Variants in MTUS1 observed in about 807,000 individuals in gnomAD.
The protein encoded by MTUS1 is microtubule associated scaffold protein 1.
In MTUS1, 109 loss-of-function variants were observed where a neutral mutation model predicts 120.8. The observed-to-expected ratio is 0.90, with a 90% CI of 0.77 to 1.06. The LOEUF is 1.06. Among genes scored for constraint, MTUS1 ranks in the 50% least tolerant of loss-of-function variants. MTUS1 has a pLI of 0.00. For missense variants in MTUS1, 2,210 were observed against 1,486.3 expected (o/e 1.49, Z -8.01); for synonymous variants, 737 against 550.5 (o/e 1.34, Z -4.74).
At chr8:17,769,078 C>G (rs1440981416) in intron 1 of MTUS1, among the ~76,000 whole-genome samples, 2 of 151,892 alleles carry the variant, frequency 1.3e-5, no homozygotes, top group African/African-American at 4.8e-5. Flanking sequence ...AGGAGCAAGC[C>G]CCTAGCTGGT....
rs569364336 is a variant in MTUS1 at position 17,746,964 on chromosome 8, C to G, written c.2092-3165G>C. Among the ~76,000 whole-genome samples, 33 of 152,326 alleles carry G rather than the reference C, an allele frequency of 2.2e-4. 1 individual carries two copies. The highest frequency in any genetic ancestry group is 7.9e-4 in the African/African-American group (33 of 41,576). ...CCAACTTCAACAATGAAAGCTGTTT[C>G]TCTTTTCCATCTGCTGTCATTTCTC... On this transcript the variant is annotated intron_variant, in intron 2 of 14. Transcript: ENST00000693296.
intron 1 of MTUS1, among the ~76,000 whole-genome samples, chr8:17,761,170 A>C (rs1352127221): frequency 2.6e-5 from 4 of 152,180 alleles, no homozygotes; most frequent in African/African-American, 9.7e-5. Flanking sequence ...ATATGTGCTG[A>C]AAGAAATGGT....
intron 6 of MTUS1, among the ~76,000 whole-genome samples, chr8:17,694,411 A>G (rs1817552601): frequency 6.6e-6 from 1 of 152,176 alleles, no homozygotes; most frequent in East Asian, 1.9e-4. Flanking sequence ...CATGTCTGTA[A>G]TCCCAGCACT....
At chr8:17,698,182 G>A (rs946884559) in intron 6 of MTUS1, among the ~76,000 whole-genome samples, 1 of 152,180 alleles carries the variant, frequency 6.6e-6, no homozygotes, top group African/African-American at 2.4e-5. Context: ...AGTTCCAGAA[G>A]AATAGTCCAT....
chr8:17,730,915 A>C (rs1205369734), intron 3 of MTUS1, among the ~76,000 whole-genome samples: 1 of 152,202 alleles, frequency 6.6e-6, no homozygotes. Context: ...AAAAAATGTG[A>C]ATGTACTTAA....
intron 6 of MTUS1, 53 bp from the exon 7 acceptor site, chr8:17,684,595 T>C (rs1028030429): frequency 2.8e-6 from 4 of 1,423,048 alleles, no homozygotes; most frequent in Non-Finnish European, 3.0e-6. Context: ...ATTTTTAAAA[T>C]CACCACCACA....
intron 1 of MTUS1, among the ~76,000 whole-genome samples, chr8:17,783,463 G>A (rs1280688822): frequency 6.6e-6 from 1 of 152,158 alleles, no homozygotes; most frequent in Non-Finnish European, 1.5e-5. Context: ...TGTAGGAAGA[G>A]GGAGCATACC....
intron 8 of MTUS1, among the ~76,000 whole-genome samples, chr8:17,667,294 G>C (rs909410284): frequency 6.6e-6 from 1 of 152,104 alleles, no homozygotes; most frequent in Non-Finnish European, 1.5e-5. Context: ...TGTACAGTTG[G>C]TTTTCAGTAT....
intron 6 of MTUS1, among the ~76,000 whole-genome samples, chr8:17,702,945 C>T (rs2410504): frequency 0.43 from 65,408 of 152,074 alleles, 15,804 homozygotes; most frequent in Middle Eastern, 0.59. Context: ...TAATTTCTTA[C>T]GCCTGTCCTA....
intron 2 of MTUS1, among the ~76,000 whole-genome samples, chr8:17,752,635 G>A (rs559047964): frequency 1.9e-4 from 29 of 149,856 alleles, no homozygotes; most frequent in African/African-American, 7.2e-4. Context: ...CCTCCCTTGT[G>A]GTCCCCATGC....
intron 6 of MTUS1, among the ~76,000 whole-genome samples, chr8:17,685,340 C>G (rs914470111): frequency 6.6e-5 from 10 of 152,204 alleles, no homozygotes; most frequent in African/African-American, 2.2e-4. Context: ...ACTGTTCAGT[C>G]TTGGAACCAT....
chr8:17,703,471 G>C (rs1563232032), intron 6 of MTUS1, among the ~76,000 whole-genome samples: 1 of 152,022 alleles, frequency 6.6e-6, no homozygotes, highest in Middle Eastern at 3.4e-3. Context: ...GTCTCTACTA[G>C]AAATGTAAAA....
chr8:17,787,208 C>T (rs1586409055), intron 1 of MTUS1, among the ~76,000 whole-genome samples: 1 of 152,324 alleles, frequency 6.6e-6, no homozygotes, highest in South Asian at 2.1e-4. Flanking sequence ...GGATGAGGAA[C>T]AGGCCACAGC....
chr8:17,714,646 A>G (rs1019718374), intron 5 of MTUS1, among the ~76,000 whole-genome samples: 1 of 152,162 alleles, frequency 6.6e-6, no homozygotes, highest in African/African-American at 2.4e-5. Flanking sequence ...CAAGATACAG[A>G]AGAGTATATT....
chr8:17,789,933 G>GC, intron 1 of MTUS1, among the ~76,000 whole-genome samples: 1 of 152,220 alleles, frequency 6.6e-6, no homozygotes, highest in Non-Finnish European at 1.5e-5. Context: ...TCTCTTCCCA[G>GC]TTCTGACACT....
intron 3 of MTUS1, among the ~76,000 whole-genome samples, chr8:17,731,983 C>T (rs915111011): frequency 2.6e-5 from 4 of 152,186 alleles, no homozygotes; most frequent in African/African-American, 9.7e-5. Context: ...ACCCATCAGA[C>T]ATAAGGACAA....
At chr8:17,665,863 C>T (rs199550025) in intron 8 of MTUS1, among the ~76,000 whole-genome samples, 1 of 152,108 alleles carries the variant, frequency 6.6e-6, no homozygotes, top group African/African-American at 2.4e-5. Context: ...CCTTTCCCCC[C>T]CTATACTGGG....
intron 5 of MTUS1, among the ~76,000 whole-genome samples, chr8:17,715,469 C>T (rs1822138201): frequency 6.6e-6 from 1 of 152,066 alleles, no homozygotes; most frequent in African/African-American, 2.4e-5. Flanking sequence ...CATTTCTACT[C>T]CTTTCTCACT....
intron 4 of MTUS1, among the ~76,000 whole-genome samples, chr8:17,718,503 T>G (rs1480977302): frequency 6.6e-6 from 1 of 152,122 alleles, no homozygotes; most frequent in Admixed American, 6.5e-5. Flanking sequence ...ACAGTGCATT[T>G]GCCTTCACAA....
Sources: gnomAD v4.1 joint callset for allele counts (sites outside exome capture counted in the v4.1 genomes callset) on GRCh38, gnomAD v4.1.1 for gene constraint, MANE v1.5 for transcripts, NCBI Gene and HGNC (gene_info 2026-07-23, HGNC 2026-07-21) for gene names.